Variants in CRIM1 observed in about 807,000 individuals in gnomAD.
CRIM1 encodes the protein cysteine-rich motor neuron 1 protein.
Under a neutral mutation model 116.4 loss-of-function variants are expected in CRIM1, and 32 were observed. The ratio of observed to expected loss-of-function variants is 0.27; its 90% confidence interval spans 0.21 to 0.37. CRIM1 has a LOEUF of 0.37. CRIM1 is among the 10% of genes least tolerant of loss of function. The probability of loss-of-function intolerance (pLI) is 1.00; values close to 1 mark genes in which losing one functional copy is unlikely to be tolerated. For missense variants in CRIM1, 1,331 were observed against 1,354.8 expected, an observed-to-expected ratio of 0.98 and a Z score of 0.28; for synonymous variants, 590 against 509.2, an observed-to-expected ratio of 1.16 and a Z score of -2.13.
At chr2:36,393,001 A>G (rs1436489444) in intron 1 of CRIM1, among the ~76,000 whole-genome samples, 3 of 152,240 alleles carry the variant, frequency 2.0e-5, no homozygotes, top group African/African-American at 7.2e-5. Context: ...AGAAAGCAGC[A>G]GAAAACAGCA....
At chr2:36,433,914 C>T (rs1009021628) in intron 2 of CRIM1, among the ~76,000 whole-genome samples, 9 of 151,916 alleles carry the variant, frequency 5.9e-5, no homozygotes, top group Non-Finnish European at 8.8e-5. Flanking sequence ...ATCCTAAATT[C>T]GGAGTCTTAA....
Position 36,515,111 on chromosome 2 carries a change from A to T in CRIM1, c.1990+1346A>T, listed in dbSNP as rs531671663. Among the ~76,000 whole-genome samples, 4 of 152,308 alleles carry T rather than the reference A, an allele frequency of 2.6e-5. No individual in the cohort carries two copies. The South Asian group carries it at 8.3e-4, about 32-fold the overall frequency. The stretch of plus-strand genomic sequence containing the variant: ...GTGTTGACTCTTTGGGGAGGGAAAA[A>T]TCATGTGTTTGCATGAAGACCCCTG... On this transcript the variant is annotated intron_variant, in intron 11 of 16. Coordinates refer to ENST00000280527, the MANE Select transcript of CRIM1 (RefSeq NM_016441.3).
rs1205597652 is a variant in CRIM1, at chr2:36,356,281, C to T, written c.-12C>T. Reference sequence around the variant, plus strand: ...CCCGGCTGCGAGGAGGAGGCGGCGGCGGCGCAGGAGGATGTACTTGGTGGC... The same window carrying T: ...CCCGGCTGCGAGGAGGAGGCGGCGGTGGCGCAGGAGGATGTACTTGGTGGC... On this transcript the variant is annotated 5_prime_UTR_variant, in exon 1 of 17. Coordinates refer to ENST00000280527, the MANE Select transcript of CRIM1 (RefSeq NM_016441.3). The surrounding 1 kb of genome is among the most constrained non-coding windows in gnomAD (Gnocchi z 4.3). 20 of 1,391,400 alleles carry T rather than the reference C, an allele frequency of 1.4e-5. No individual in the cohort carries two copies. The Admixed American group carries it at 5.2e-4, about 36-fold the overall frequency. 86.2% of individuals were successfully genotyped at this position (1,391,400 alleles called of 1,614,324 possible).
intron 13 of CRIM1, among the ~76,000 whole-genome samples, chr2:36,534,232 GGT>G (rs1394837714): frequency 7.1e-6 from 1 of 139,952 alleles, no homozygotes; most frequent in African/African-American, 2.7e-5. Flanking sequence ...AAGGAAGGAG[GGT>G]GGGGAAGGAG....
chr2:36,442,673 C>G lies in CRIM1; in HGVS notation c.807C>G (p.Pro269=), dbSNP rs140450317. The G allele has an allele frequency of 2.5e-4, 406 of 1,614,062 alleles. No homozygotes were observed. In the African/African-American group the frequency reaches 4.5e-3, roughly 18 times the overall value. The change falls in exon 4 of 17, where the codon CCC becomes CCG. Residue 269 remains proline (P), a synonymous_variant. Transcript: ENST00000280527. The part of the protein sequence containing the change: ...ECPPVQQTAC[P]PDSYETQVRL... ...CTCCTGTTCAGCAGACCGCGTGTCC[C>G]CCGGACAGCTATGAAACTCAAGTCA...
In CRIM1 at chr2:36,356,334, G is replaced by C. The variant is rs1412829073; in HGVS notation, c.42G>C (p.Gly14=). Residue 14 remains glycine, a synonymous_variant, in exon 1 of 17, where the codon GGG becomes GGC. Coordinates refer to ENST00000280527, the MANE Select transcript of CRIM1 (RefSeq NM_016441.3). This position sits in a 1 kb window ranked among gnomAD's most constrained non-coding sequence, Gnocchi z 4.3. ...GGGACAGGGGGTTGGCCGGCTGCGG[G>C]CACCTCCTGGTCTCGCTGCTGGGGC... The part of the protein sequence containing the change: ...VAGDRGLAGC[G]HLLVSLLGLL... 2.5e-6 allele frequency: 4 copies of C among 1,583,396 alleles called. No homozygotes were observed. The highest frequency in any genetic ancestry group is 3.4e-6 in the Non-Finnish European group (4 of 1,167,624).
chr2:36,498,527 T>C (rs1228511525), intron 7 of CRIM1, among the ~76,000 whole-genome samples: 1 of 152,228 alleles, frequency 6.6e-6, no homozygotes, highest in African/African-American at 2.4e-5. Context: ...AAGCAATTCT[T>C]CATTAATATG....
chr2:36,537,585 T>G, intron 14 of CRIM1, 39 bp downstream of exon 14: 1 of 1,545,512 alleles, frequency 6.5e-7, no homozygotes, highest in Non-Finnish European at 8.7e-7. Flanking sequence ...CAAGCTGTAA[T>G]GTTGATTTAA....
Position 36,550,330 on chromosome 2 carries a change from A to AC in CRIM1, c.*1630dup, listed in dbSNP as rs959665073. ...TTTGTTGTAGTATGCCTCAAATATA[A>AC]CTGACTGTATACTATAGTGGTAACT... On this transcript the variant is annotated 3_prime_UTR_variant, in exon 17 of 17. Coordinates refer to ENST00000280527, the MANE Select transcript of CRIM1 (RefSeq NM_016441.3). 1 of 151,936 alleles carries AC rather than the reference A, an allele frequency of 6.6e-6. No homozygotes were observed. The highest frequency in any genetic ancestry group is 1.5e-5 in the Non-Finnish European group (1 of 67,912). The allele number at this position is 151,936 out of a possible 1,614,324, so 9.4% of individuals were successfully genotyped here.
At chr2:36,395,975 G>A (rs1305826976) in intron 1 of CRIM1, among the ~76,000 whole-genome samples, 1 of 152,168 alleles carries the variant, frequency 6.6e-6, no homozygotes, top group East Asian at 1.9e-4. Context: ...TCCCAGACCG[G>A]AATGCAGTGG....
intron 2 of CRIM1, among the ~76,000 whole-genome samples, chr2:36,410,929 G>A (rs1424315641): frequency 1.3e-5 from 2 of 152,196 alleles, no homozygotes; most frequent in African/African-American, 2.4e-5. Context: ...TGGTGGTCCT[G>A]CTCTGACCTC....
At chr2:36,523,655 T>G (rs900853967) in intron 13 of CRIM1, among the ~76,000 whole-genome samples, 7 of 152,224 alleles carry the variant, frequency 4.6e-5, no homozygotes, top group Non-Finnish European at 1.0e-4. Context: ...ATGAAAAAGT[T>G]TACAGTCTGT....
intron 2 of CRIM1, among the ~76,000 whole-genome samples, chr2:36,412,541 G>A (rs566904019): frequency 1.6e-3 from 243 of 152,208 alleles, no homozygotes; most frequent in Middle Eastern, 3.4e-3. Context: ...ATCATATACT[G>A]ACTTTGATGC....
intron 1 of CRIM1, among the ~76,000 whole-genome samples, chr2:36,385,008 T>G (rs544660102): frequency 6.6e-6 from 1 of 152,286 alleles, no homozygotes; most frequent in Admixed American, 6.5e-5. Context: ...GGTGGCAAAT[T>G]TTGTTTTGTT....
intron 2 of CRIM1, among the ~76,000 whole-genome samples, chr2:36,402,535 T>C (rs972764510): frequency 6.6e-6 from 1 of 151,782 alleles, no homozygotes; most frequent in African/African-American, 2.4e-5. Context: ...AGGAAAGCCA[T>C]TAAAGGATTG....
chr2:36,356,670 C>G lies in CRIM1; in HGVS notation c.331+47C>G. On this transcript the variant is annotated intron_variant, in intron 1 of 16. Transcript: ENST00000280527. This position sits in a 1 kb window ranked among gnomAD's most constrained non-coding sequence, Gnocchi z 4.3. ...CCCCTCCCACCTGGCCTGCGCCGCC[C>G]CCTCGGCGCTGGTTGTGCCGAACAA... 1 of 1,542,484 alleles carries G rather than the reference C, an allele frequency of 6.5e-7. No homozygotes were observed.
chr2:36,379,234 C>G (rs1048846116), intron 1 of CRIM1: 1 of 152,096 alleles, frequency 6.6e-6, no homozygotes, highest in African/African-American at 2.4e-5. Context: ...CAAATGAGTA[C>G]ACTGTGGTTC....
chr2:36,499,395 T>G, intron 8 of CRIM1, 48 bp downstream of exon 8: 2 of 1,560,484 alleles, frequency 1.3e-6, no homozygotes, highest in Non-Finnish European at 1.8e-6. Context: ...TAATATGATA[T>G]TGTCAAAGCA....
chr2:36,399,627 G>A (rs1463849597), intron 2 of CRIM1, among the ~76,000 whole-genome samples: 1 of 152,216 alleles, frequency 6.6e-6, no homozygotes. Flanking sequence ...TTAGGGCAAT[G>A]TAGAGGTCAA....
Sources: gnomAD v4.1 joint callset for allele counts (sites outside exome capture counted in the v4.1 genomes callset) on GRCh38, gnomAD v4.1.1 for gene constraint, Gnocchi (gnomAD v3.1) non-coding constraint, MANE v1.5 for transcripts, NCBI Gene and HGNC (gene_info 2026-07-23, HGNC 2026-07-21) for gene names.